Variants in STPG4 observed in about 807,000 individuals in gnomAD.
STPG4 encodes sperm-tail PG-rich repeat containing 4.
In STPG4, 41 loss-of-function variants were observed where a neutral mutation model predicts 31.5. That is an observed-to-expected ratio of 1.30 (90% CI 1.01 to 1.69). STPG4 has a LOEUF of 1.69. Ranked by LOEUF, STPG4 falls within the 40% of genes most tolerant of loss-of-function variation. The probability of loss-of-function intolerance (pLI) is 0.00; values close to 1 mark genes in which losing one functional copy is unlikely to be tolerated. For missense variants in STPG4, 375 were observed against 293.4 expected, an observed-to-expected ratio of 1.28 and a Z score of -2.03; for synonymous variants, 141 against 103.0, an observed-to-expected ratio of 1.37 and a Z score of -2.24.
intron 3 of STPG4, among the ~76,000 whole-genome samples, chr2:47,148,377 T>C (rs1393138822): frequency 1.3e-5 from 2 of 151,422 alleles, no homozygotes; most frequent in East Asian, 1.9e-4. Context: ...CTCAGCATCA[T>C]GGAATATACA....
intron 5 of STPG4, among the ~76,000 whole-genome samples, chr2:47,094,543 T>A (rs532268208): frequency 6.6e-6 from 1 of 152,306 alleles, no homozygotes; most frequent in East Asian, 1.9e-4. Flanking sequence ...AATACTCTCT[T>A]TGGCCTCTGG....
At chr2:47,146,180 T>G (rs924494830) in intron 3 of STPG4, among the ~76,000 whole-genome samples, 5 of 152,144 alleles carry the variant, frequency 3.3e-5, no homozygotes, top group African/African-American at 1.2e-4. Context: ...GAAAAGCCAC[T>G]CAGAGATCAC....
At chr2:47,087,918 A>C (rs6754693) in intron 6 of STPG4, among the ~76,000 whole-genome samples, 27,394 of 150,316 alleles carry the variant, frequency 0.18, 4,355 homozygotes, top group East Asian at 0.66. Flanking sequence ...CACCCAGCTA[A>C]ATTTTTTTGT....
chr2:47,092,327 C>T (rs942330071), intron 5 of STPG4, among the ~76,000 whole-genome samples: 21 of 148,264 alleles, frequency 1.4e-4, no homozygotes, highest in Non-Finnish European at 3.0e-4. Context: ...GTCAGGAGTT[C>T]AAGACCAGCC....
chr2:47,113,443 A>G (rs777887588), intron 5 of STPG4, among the ~76,000 whole-genome samples: 1 of 152,236 alleles, frequency 6.6e-6, no homozygotes, highest in Non-Finnish European at 1.5e-5. Flanking sequence ...GAAGGGCCAC[A>G]AGTAACTGGT....
At chr2:47,152,007 C>T (rs1686949288) in intron 2 of STPG4, among the ~76,000 whole-genome samples, 1 of 152,066 alleles carries the variant, frequency 6.6e-6, no homozygotes, top group Non-Finnish European at 1.5e-5. Context: ...TTGTGATCCG[C>T]CCGCCTTGGC....
rs201428035 is a variant in STPG4 at position 47,151,526 on chromosome 2, T to C, written c.142-11A>G. On this transcript the variant is annotated splice_polypyrimidine_tract_variant and intron_variant, in intron 2 of 6. Coordinates refer to ENST00000445927, the MANE Select transcript of STPG4 (RefSeq NM_001163561.2). Reference sequence around the variant, plus strand: ...AGGTATAGGAGTATCCTGTGGAAAATTGACATCAGTTTTAAGATTGTGTAA... The same window carrying C: ...AGGTATAGGAGTATCCTGTGGAAAACTGACATCAGTTTTAAGATTGTGTAA... The C allele has an allele frequency of 5.0e-5, 81 of 1,611,284 alleles. No homozygotes were observed. Among genetic ancestry groups the C allele is most frequent in the Middle Eastern group, 5.0e-4 (3 of 5,970 alleles).
chr2:47,093,857 G>A (rs1041233059), intron 5 of STPG4, among the ~76,000 whole-genome samples: 2 of 152,250 alleles, frequency 1.3e-5, no homozygotes, highest in African/African-American at 4.8e-5. Context: ...GGCATGCTGC[G>A]GCAAAGCCGT....
chr2:47,087,828 A>C (rs1267037327), intron 6 of STPG4, among the ~76,000 whole-genome samples: 3 of 152,090 alleles, frequency 2.0e-5, no homozygotes, highest in Non-Finnish European at 2.9e-5. Flanking sequence ...GGCTCACTGC[A>C]ATCTCTGCCT....
chr2:47,119,561 G>T (rs1026454496), intron 5 of STPG4, among the ~76,000 whole-genome samples: 2 of 152,154 alleles, frequency 1.3e-5, no homozygotes, highest in African/African-American at 4.8e-5. Flanking sequence ...GCATTTCAAA[G>T]GAAATACAAT....
At chr2:47,091,684 A>C (rs1685572336) in intron 5 of STPG4, among the ~76,000 whole-genome samples, 1 of 152,222 alleles carries the variant, frequency 6.6e-6, no homozygotes, top group African/African-American at 2.4e-5. Context: ...TGAATTGTTG[A>C]CTAGGTATAT....
chr2:47,095,901 G>A (rs1302100351), intron 5 of STPG4, among the ~76,000 whole-genome samples: 2 of 152,064 alleles, frequency 1.3e-5, no homozygotes, highest in African/African-American at 4.8e-5. Context: ...TCTTCCCCAC[G>A]CTCCTTCCTG....
intron 5 of STPG4, among the ~76,000 whole-genome samples, chr2:47,106,247 C>G (rs1685907621): frequency 6.6e-6 from 1 of 151,906 alleles, no homozygotes; most frequent in African/African-American, 2.4e-5. Flanking sequence ...GGAACATTGA[C>G]CTATATCTGC....
chr2:47,100,688 A>G (rs1310085642), intron 5 of STPG4, among the ~76,000 whole-genome samples: 2 of 151,728 alleles, frequency 1.3e-5, no homozygotes. Flanking sequence ...CTCACCGCGA[A>G]GGTCTGCAGC....
At chr2:47,150,711 C>G (rs1686917577) in intron 3 of STPG4, among the ~76,000 whole-genome samples, 1 of 150,976 alleles carries the variant, frequency 6.6e-6, no homozygotes, top group African/African-American at 2.4e-5. Flanking sequence ...TCTACAACAC[C>G]TGGCCTCAAG....
At chr2:47,087,800 T>G (rs1365896975) in intron 6 of STPG4, among the ~76,000 whole-genome samples, 2 of 152,072 alleles carry the variant, frequency 1.3e-5, no homozygotes, top group Admixed American at 6.5e-5. Context: ...TAGGCTGGAG[T>G]GTAGTGCGCG....
intron 5 of STPG4, among the ~76,000 whole-genome samples, chr2:47,114,758 A>T (rs1179233901): frequency 1.3e-5 from 2 of 151,484 alleles, no homozygotes; most frequent in East Asian, 3.9e-4. Context: ...ATCATCCAAC[A>T]ATACATTTTT....
At chr2:47,113,173 C>G (rs1686076550) in intron 5 of STPG4, among the ~76,000 whole-genome samples, 1 of 152,076 alleles carries the variant, frequency 6.6e-6, no homozygotes, top group Non-Finnish European at 1.5e-5. Flanking sequence ...ATAAATAAGG[C>G]AGACAACAGT....
At chr2:47,110,767 G>A (rs188738431) in intron 5 of STPG4, among the ~76,000 whole-genome samples, 2 of 152,096 alleles carry the variant, frequency 1.3e-5, no homozygotes, top group South Asian at 2.1e-4. Context: ...ATCTCAATTT[G>A]ATCCTGCATT....
Sources: gnomAD v4.1 joint callset for allele counts (sites outside exome capture counted in the v4.1 genomes callset) on GRCh38, gnomAD v4.1.1 for gene constraint, MANE v1.5 for transcripts, NCBI Gene and HGNC (gene_info 2026-07-23, HGNC 2026-07-21) for gene names.